The following NOSTRIN variants were observed in gnomAD, a reference collection of about 807,000 sequenced individuals.
NOSTRIN encodes the protein nitric oxide synthase trafficking.
Under a neutral mutation model 59.0 loss-of-function variants are expected in NOSTRIN, and 63 were observed. That is an observed-to-expected ratio of 1.07 (90% CI 0.87 to 1.32). The LOEUF (loss-of-function observed/expected upper bound fraction) is 1.32, where lower values mean the gene tolerates loss of function less well. NOSTRIN is among the 40% of genes most tolerant of loss of function. The pLI is 0.00. For synonymous variants in NOSTRIN, 200 were observed against 165.4 expected, an observed-to-expected ratio of 1.21 and a Z score of -1.61; for missense variants, 512 against 473.1, an observed-to-expected ratio of 1.08 and a Z score of -0.76.
At chr2:168,863,147 A>G (rs1175740571) in intron 15 of NOSTRIN, among the ~76,000 whole-genome samples, 1 of 152,140 alleles carries the variant, frequency 6.6e-6, no homozygotes, top group African/African-American at 2.4e-5. Context: ...GCCTACTTAT[A>G]CTTTATATTC....
intron 13 of NOSTRIN, 106 bp from the exon 14 acceptor site, chr2:168,860,688 AC>A (rs1689386288): frequency 5.7e-5 from 41 of 723,336 alleles, no homozygotes; most frequent in East Asian, 8.0e-5. Context: ...AAAAGAAAAA[AC>A]AAACAGAAAA....
At chr2:168,833,267 C>G (rs28652913) in intron 6 of NOSTRIN, among the ~76,000 whole-genome samples, 3,246 of 152,246 alleles carry the variant, frequency 0.021, 98 homozygotes, top group African/African-American at 0.074. Context: ...ATGCGTCACA[C>G]TCTCATTTCC....
intron 3 of NOSTRIN, among the ~76,000 whole-genome samples, chr2:168,826,151 T>G (rs1386048046): frequency 6.6e-6 from 1 of 152,134 alleles, no homozygotes; most frequent in African/African-American, 2.4e-5. Context: ...CTTAGCAGAG[T>G]ACCTGGCAGG....
At chr2:168,805,962 C>A (rs998073840) in intron 1 of NOSTRIN, among the ~76,000 whole-genome samples, 1 of 152,166 alleles carries the variant, frequency 6.6e-6, no homozygotes, top group African/African-American at 2.4e-5. Context: ...ATTTCTTGGA[C>A]CTCTGTTTCC....
rs2105551579 is a variant in NOSTRIN at position 168,811,654 on chromosome 2, T to C, written c.113+2T>C. Reference sequence around the variant, plus strand: ...GGTCACATCTGTTCTTCAGCAAAGGTACAAAATGCACGTTTGCAATAAATG... The same window carrying C: ...GGTCACATCTGTTCTTCAGCAAAGGCACAAAATGCACGTTTGCAATAAATG... On this transcript the variant is annotated splice_donor_variant, in intron 2 of 15. Coordinates refer to ENST00000317647, the MANE Select transcript of NOSTRIN (RefSeq NM_001039724.4). LOFTEE classifies it high-confidence loss of function. 1.2e-6 allele frequency: 1 copy of C among 846,488 alleles called. No individual in the cohort carries two copies. Among genetic ancestry groups the C allele is most frequent in the Non-Finnish European group, 2.0e-6 (1 of 492,894 alleles). The allele number at this position is 846,488 out of a possible 1,614,324, so 52.4% of individuals were successfully genotyped here.
At chr2:168,837,680 A>G (rs951750012) in intron 7 of NOSTRIN, among the ~76,000 whole-genome samples, 4 of 152,014 alleles carry the variant, frequency 2.6e-5, no homozygotes, top group African/African-American at 9.7e-5. Flanking sequence ...CACTCTTCAA[A>G]TCACCCTAAT....
At position 168,828,377 on chromosome 2, in the gene NOSTRIN, A is replaced by G. The variant is rs775539184; in HGVS notation, c.261-43A>G. The G allele has an allele frequency of 9.2e-6, 8 of 866,932 alleles. No individual in the cohort carries two copies. The highest frequency in any genetic ancestry group is 1.4e-5 in the Non-Finnish European group (7 of 499,146). The allele number at this position is 866,932 out of a possible 1,614,324, so 53.7% of individuals were successfully genotyped here. Reference sequence around the variant, plus strand: ...AAAGTAATTTGGAAAGTAGATGTAAACGCTGATATTATGCTTATGTGTCTT... The same window carrying G: ...AAAGTAATTTGGAAAGTAGATGTAAGCGCTGATATTATGCTTATGTGTCTT... On this transcript the variant is annotated intron_variant, in intron 4 of 15. Coordinates refer to ENST00000317647, the MANE Select transcript of NOSTRIN (RefSeq NM_001039724.4).
At chr2:168,815,909 A>G (rs1387475160) in intron 2 of NOSTRIN, among the ~76,000 whole-genome samples, 1 of 152,174 alleles carries the variant, frequency 6.6e-6, no homozygotes, top group Admixed American at 6.5e-5. Context: ...ATCAAGCTCA[A>G]TGCCTGGGAC....
chr2:168,828,320 G>A, intron 4 of NOSTRIN, 100 bp downstream of exon 4: 1 of 866,242 alleles, frequency 1.2e-6, no homozygotes. Context: ...CACTGAATAG[G>A]TGTTCCATAA....
chr2:168,837,435 G>A (rs1326020959), intron 7 of NOSTRIN, among the ~76,000 whole-genome samples: 2 of 145,674 alleles, frequency 1.4e-5, no homozygotes, highest in Non-Finnish European at 3.0e-5. Flanking sequence ...TCAGCCTCCC[G>A]AGTAGCTGGG....
At chr2:168,814,952 A>G (rs1255334012) in intron 2 of NOSTRIN, among the ~76,000 whole-genome samples, 2 of 152,232 alleles carry the variant, frequency 1.3e-5, no homozygotes, top group African/African-American at 4.8e-5. Context: ...AGGGTTTTTA[A>G]AAATTATTAT....
chr2:168,813,666 T>A (rs1686262081), intron 2 of NOSTRIN, among the ~76,000 whole-genome samples: 1 of 152,090 alleles, frequency 6.6e-6, no homozygotes, highest in Non-Finnish European at 1.5e-5. Context: ...TTATCTCCCC[T>A]CATAGCTTTA....
chr2:168,846,884 C>T (rs755254556), intron 8 of NOSTRIN, among the ~76,000 whole-genome samples: 1 of 152,202 alleles, frequency 6.6e-6, no homozygotes, highest in Non-Finnish European at 1.5e-5. Flanking sequence ...CGAATGACAA[C>T]TCATTACATA....
chr2:168,804,758 C>G (rs1685760481), intron 1 of NOSTRIN, among the ~76,000 whole-genome samples: 1 of 151,876 alleles, frequency 6.6e-6, no homozygotes, highest in Non-Finnish European at 1.5e-5. Flanking sequence ...GCATGAACTT[C>G]AGTGAAAAAA....
chr2:168,791,925 G>T (rs57966954), intron 2 of NOSTRIN, among the ~76,000 whole-genome samples: 6,724 of 152,086 alleles, frequency 0.044, 601 homozygotes, highest in East Asian at 0.41. Flanking sequence ...TTCTCCCATT[G>T]TGTAGGTTGC....
intron 14 of NOSTRIN, among the ~76,000 whole-genome samples, 153 bp from the exon 15 acceptor site, chr2:168,861,807 G>A (rs767897252): frequency 6.6e-6 from 1 of 152,148 alleles, no homozygotes; most frequent in Non-Finnish European, 1.5e-5. Context: ...ATTGAATCAA[G>A]GAATGAACAT....
At position 168,832,733 on chromosome 2, in the gene NOSTRIN, G is replaced by C. The variant is rs576308222; in HGVS notation, c.405+1199G>C. 8.5e-5 allele frequency among the ~76,000 whole-genome samples: 13 copies of C among 152,276 alleles called. 1 individual carries two copies. In the South Asian group the frequency reaches 2.7e-3, roughly 32 times the overall value. ...TCCCAGAAACAGTATCCAGTCATTT[G>C]CTTTTTAGTTTTGCCATGGATTTTA... is the stretch of plus-strand genomic sequence containing the variant. On this transcript the variant is annotated intron_variant, in intron 6 of 15. Coordinates refer to ENST00000317647, the MANE Select transcript of NOSTRIN (RefSeq NM_001039724.4).
intron 1 of NOSTRIN, among the ~76,000 whole-genome samples, chr2:168,808,371 C>G (rs1685970180): frequency 6.6e-6 from 1 of 152,166 alleles, no homozygotes; most frequent in Non-Finnish European, 1.5e-5. Flanking sequence ...CTCCTGCTTC[C>G]CCTAATGGGA....
At chr2:168,808,167 T>C (rs1459354809) in intron 1 of NOSTRIN, among the ~76,000 whole-genome samples, 3 of 152,106 alleles carry the variant, frequency 2.0e-5, no homozygotes, top group Admixed American at 6.5e-5. Flanking sequence ...CATAGAAAAA[T>C]TCTCAACTGG....
Sources: gnomAD v4.1 joint callset for allele counts (sites outside exome capture counted in the v4.1 genomes callset) on GRCh38, gnomAD v4.1.1 for gene constraint, MANE v1.5 for transcripts, NCBI Gene and HGNC (gene_info 2026-07-23, HGNC 2026-07-21) for gene names.